The following HNF1B variants were observed in gnomAD, a reference collection of about 807,000 sequenced individuals.
HNF1B encodes hepatocyte nuclear factor 1-beta.
HNF1B carries 8 observed loss-of-function variants against 61.7 expected under a neutral mutation model. The observed-to-expected ratio is 0.13, with a 90% confidence interval of 0.08 to 0.23. HNF1B has a LOEUF of 0.23. HNF1B is among the 10% of genes least tolerant of loss of function. HNF1B has a pLI of 1.00. For synonymous variants in HNF1B, 314 were observed against 287.7 expected (o/e 1.09, Z -0.93); for missense variants, 562 against 714.5 (o/e 0.79, Z 2.43).
intron 6 of HNF1B, 43 bp downstream of exon 6, chr17:37,704,873 TC>T (rs1274271524): frequency 6.2e-7 from 1 of 1,610,176 alleles, no homozygotes; most frequent in South Asian, 1.1e-5. Context: ...TTCCCATTCT[TC>T]TTCTCCCTGC....
chr17:37,693,126 G>A (rs1231541792), intron 8 of HNF1B, among the ~76,000 whole-genome samples: 2 of 149,114 alleles, frequency 1.3e-5, no homozygotes, highest in South Asian at 2.1e-4. Flanking sequence ...GTAGGCGGAG[G>A]TTGCAGTGAG....
Position 37,744,827 on chromosome 17 carries a change from C to G in HNF1B, c.58G>C (p.Gly20Arg), listed in dbSNP as rs1052557621. ...QELLSALLSS[G>R]VTKEVLVQAL... ...TGAACCAGCACCTCCTTGGTGACCC[C>G]GGAGCTCAGCAGGGCGCTCAGGAGT... Residue 20 changes from glycine to arginine, a missense_variant, in exon 1 of 9, where the codon GGG becomes CGG. Gly to Arg is a moderately radical substitution (Grantham distance 125). This residue lies in a region of HNF1B where 148 missense variants were observed against 147.3 expected (regional missense o/e 1.00). Transcript: ENST00000617811. 1.9e-6 allele frequency: 3 copies of G among 1,544,288 alleles called. No individual in the cohort carries two copies. The African/African-American group carries it at 4.2e-5, about 22-fold the overall frequency.
chr17:37,743,449 TC>T (rs2034064285), intron 1 of HNF1B, among the ~76,000 whole-genome samples: 1 of 152,228 alleles, frequency 6.6e-6, no homozygotes, highest in Admixed American at 6.5e-5. Context: ...ATCTACAAGT[TC>T]CCCTGATTGT....
intron 7 of HNF1B, among the ~76,000 whole-genome samples, chr17:37,700,391 G>A (rs533805058): frequency 6.6e-6 from 1 of 152,370 alleles, no homozygotes; most frequent in East Asian, 1.9e-4. Context: ...TGTGTGCAGA[G>A]ATGCAGGGGT....
chr17:37,693,539 C>T (rs2032278989), intron 8 of HNF1B, among the ~76,000 whole-genome samples: 3 of 152,172 alleles, frequency 2.0e-5, no homozygotes, highest in East Asian at 1.9e-4. Flanking sequence ...AGGGTGCACG[C>T]TAATTGCCCG....
At chr17:37,739,929 G>A (rs1395869447) in intron 1 of HNF1B, among the ~76,000 whole-genome samples, 1 of 151,990 alleles carries the variant, frequency 6.6e-6, no homozygotes, top group Non-Finnish European at 1.5e-5. Flanking sequence ...TAAGCAAAAA[G>A]AAAAGCTCTT....
chr17:37,697,514 A>G (rs1460800989), intron 8 of HNF1B, among the ~76,000 whole-genome samples: 1 of 152,194 alleles, frequency 6.6e-6, no homozygotes, highest in East Asian at 1.9e-4. Context: ...TCAACAAGCA[A>G]CCATCAAAGT....
Position 37,724,170 on chromosome 17 carries a change from T to G in HNF1B, c.1045+7425A>C, listed in dbSNP as rs58268018. On this transcript the variant is annotated intron_variant, in intron 4 of 8. Coordinates refer to ENST00000617811, the MANE Select transcript of HNF1B (RefSeq NM_000458.4). ...CTCTTCAACAGCACCTGGGAACTTGTTGAAAATGCAGAAACCCAGGCCTCA... is the reference window on the plus strand; with the variant it reads ...CTCTTCAACAGCACCTGGGAACTTGGTGAAAATGCAGAAACCCAGGCCTCA... 5.0e-3 allele frequency among the ~76,000 whole-genome samples: 757 copies of G among 152,250 alleles called. 8 individuals are homozygous for G. Among genetic ancestry groups the G allele is most frequent in the African/African-American group, 0.017 (708 of 41,538 alleles).
chr17:37,710,463 CT>C, intron 5 of HNF1B, 39 bp downstream of exon 5: 1 of 1,612,032 alleles, frequency 6.2e-7, no homozygotes, highest in Non-Finnish European at 8.5e-7. Context: ...TGCCTCTTAT[CT>C]TATCAGCTCC....
chr17:37,702,935 A>C (rs1263665944), intron 6 of HNF1B, among the ~76,000 whole-genome samples: 2 of 152,192 alleles, frequency 1.3e-5, no homozygotes, highest in East Asian at 3.9e-4. Context: ...GTTTCTGGGC[A>C]CTGGTTCTTG....
intron 8 of HNF1B, 119 bp downstream of exon 8, chr17:37,698,957 A>T: frequency 2.4e-6 from 2 of 822,356 alleles, no homozygotes; most frequent in Non-Finnish European, 4.3e-6. Flanking sequence ...TGCAAACAAC[A>T]GGGAGCCTCA....
chr17:37,743,117 G>C (rs561822784), intron 1 of HNF1B, among the ~76,000 whole-genome samples: 122 of 152,312 alleles, frequency 8.0e-4, no homozygotes, highest in African/African-American at 2.6e-3. Flanking sequence ...GGCGCCCCAG[G>C]TCCTTCCAGC....
chr17:37,721,469 A>T (rs1162365038), intron 4 of HNF1B, among the ~76,000 whole-genome samples: 1 of 152,178 alleles, frequency 6.6e-6, no homozygotes, highest in Non-Finnish European at 1.5e-5. Flanking sequence ...AGCCTGTCAG[A>T]GTGGAAAGGC....
chr17:37,708,125 G>C (rs557218579), intron 5 of HNF1B, among the ~76,000 whole-genome samples: 1 of 152,302 alleles, frequency 6.6e-6, no homozygotes, highest in Admixed American at 6.5e-5. Context: ...GTGAATGACC[G>C]AGCCAAGACT....
chr17:37,726,414 G>A (rs1252326634), intron 4 of HNF1B, among the ~76,000 whole-genome samples: 1 of 152,184 alleles, frequency 6.6e-6, no homozygotes, highest in Non-Finnish European at 1.5e-5. Context: ...GGAGGAACTC[G>A]GCCCAGGGCC....
intron 8 of HNF1B, among the ~76,000 whole-genome samples, chr17:37,695,798 G>C (rs1186674322): frequency 6.6e-6 from 1 of 152,212 alleles, no homozygotes; most frequent in Non-Finnish European, 1.5e-5. Flanking sequence ...CCCAATGCCT[G>C]TACCACCATT....
At chr17:37,729,652 G>T (rs1038935878) in intron 4 of HNF1B, 1 of 152,182 alleles carries the variant, frequency 6.6e-6, no homozygotes, top group Non-Finnish European at 1.5e-5. Flanking sequence ...GGCAGGACGC[G>T]CAGCTCGTAC....
rs993406956 is a variant in HNF1B, at chr17:37,728,753, G to C, written c.1045+2842C>G. On this transcript the variant is annotated intron_variant, in intron 4 of 8. Transcript: ENST00000617811. Reference sequence around the variant, plus strand: ...ACCCCTGAATGCTGGGCTCCAGCCTGCTGTCTGCCTGAGTGCATGACTCGG... The same window carrying C: ...ACCCCTGAATGCTGGGCTCCAGCCTCCTGTCTGCCTGAGTGCATGACTCGG... The C allele has an allele frequency of 3.3e-5, 5 of 152,720 alleles. No homozygotes were observed. The South Asian group carries it at 8.3e-4, about 25-fold the overall frequency. 9.5% of individuals were successfully genotyped at this position (152,720 alleles called of 1,614,324 possible). A position where few individuals can be genotyped will look rare whatever the true frequency, so the allele number is the denominator to read the frequency against.
chr17:37,715,897 C>G (rs3110650), intron 4 of HNF1B, among the ~76,000 whole-genome samples: 1 of 152,054 alleles, frequency 6.6e-6, no homozygotes, highest in Non-Finnish European at 1.5e-5. Context: ...TTTGGGAGGC[C>G]GAGGCAGGTG....
Sources: gnomAD v4.1 joint callset for allele counts (sites outside exome capture counted in the v4.1 genomes callset) on GRCh38, gnomAD v4.1.1 for gene constraint, gnomAD v4.1.1 regional missense constraint, MANE v1.5 for transcripts, NCBI Gene and HGNC (gene_info 2026-07-23, HGNC 2026-07-21) for gene names.